The following ATP13A5 variants were observed in gnomAD, a reference collection of about 807,000 sequenced individuals.
ATP13A5 encodes the protein ATPase 13A5, also known as probable cation-transporting ATPase 13A5.
A neutral mutation model predicts 150.2 loss-of-function variants in ATP13A5; 149 were observed. The observed-to-expected ratio is 0.99, with a 90% CI of 0.87 to 1.14. The LOEUF (loss-of-function observed/expected upper bound fraction) is 1.14. Among genes scored for constraint, ATP13A5 ranks in the 50% most tolerant of loss-of-function variants. The pLI, the probability that ATP13A5 is intolerant of heterozygous loss-of-function variation, is 0.00. For missense variants in ATP13A5, 1,383 were observed against 1,449.3 expected (o/e 0.95, Z 0.74); for synonymous variants, 497 against 522.2 (o/e 0.95, Z 0.66).
chr3:193,326,876 C>T, intron 13 of ATP13A5, 120 bp downstream of exon 13: 1 of 845,102 alleles, frequency 1.2e-6, no homozygotes, highest in South Asian at 1.5e-5. Flanking sequence ...GGAACTAGTT[C>T]CAGCCAACTA....
intron 7 of ATP13A5, among the ~76,000 whole-genome samples, chr3:193,346,999 GT>G (rs1712365041): frequency 6.6e-6 from 1 of 152,106 alleles, no homozygotes; most frequent in Non-Finnish European, 1.5e-5. Flanking sequence ...AATCAGTCAG[GT>G]AATGTGAGTA....
At chr3:193,277,378 A>G (rs150428092) in intron 28 of ATP13A5, among the ~76,000 whole-genome samples, 2 of 152,306 alleles carry the variant, frequency 1.3e-5, no homozygotes, top group African/African-American at 4.8e-5. Context: ...GTACACATTA[A>G]TCATTAAATA....
chr3:193,371,423 A>T (rs913689190), intron 1 of ATP13A5, among the ~76,000 whole-genome samples: 1 of 152,246 alleles, frequency 6.6e-6, no homozygotes, highest in Non-Finnish European at 1.5e-5. Flanking sequence ...CAGTGTCTTA[A>T]TACAACACAG....
intron 6 of ATP13A5, among the ~76,000 whole-genome samples, chr3:193,353,536 T>G (rs1186315329): frequency 6.6e-6 from 1 of 152,150 alleles, no homozygotes; most frequent in East Asian, 1.9e-4. Context: ...ATTCATAGGT[T>G]GAAGCCCTAA....
At position 193,324,854 on chromosome 3, in the gene ATP13A5, A is replaced by G. The variant is rs747228114; in HGVS notation, c.1674+10T>C. 53 of 1,610,782 alleles carry G rather than the reference A, an allele frequency of 3.3e-5. No homozygotes were observed. Among genetic ancestry groups the G allele is most frequent in the Non-Finnish European group, 4.1e-5 (48 of 1,179,044 alleles). On this transcript the variant is annotated intron_variant, in intron 14 of 29. Coordinates refer to ENST00000342358, the MANE Select transcript of ATP13A5 (RefSeq NM_198505.4). ...CAGATTCTCATCTTTCCATTAAACT[A>G]TCACCTTACCCAGGCAGTGCCCTCA...
At chr3:193,315,987 A>G (rs1221300102) in intron 17 of ATP13A5, among the ~76,000 whole-genome samples, 1 of 152,102 alleles carries the variant, frequency 6.6e-6, no homozygotes, top group Non-Finnish European at 1.5e-5. Context: ...GGTAATCACA[A>G]TTCTAGTCTC....
intron 20 of ATP13A5, 143 bp downstream of exon 20, chr3:193,311,673 T>TGA (rs1238731916): frequency 1.6e-5 from 19 of 1,219,808 alleles, no homozygotes; most frequent in Non-Finnish European, 2.0e-5. Flanking sequence ...CCAGAAAACT[T>TGA]TTTCAGGAGC....
chr3:193,289,348 C>G (rs1220648525), intron 26 of ATP13A5, among the ~76,000 whole-genome samples: 1 of 152,116 alleles, frequency 6.6e-6, no homozygotes, highest in Non-Finnish European at 1.5e-5. Flanking sequence ...CTTTAACATT[C>G]ATTTGGGAAA....
At chr3:193,320,446 AAAC>A (rs1190832688) in intron 16 of ATP13A5, among the ~76,000 whole-genome samples, 1 of 152,218 alleles carries the variant, frequency 6.6e-6, no homozygotes, top group Non-Finnish European at 1.5e-5. Context: ...GCTGCCAGGA[AAAC>A]AAGTGCCAAG....
chr3:193,300,418 G>C (rs772411703), intron 24 of ATP13A5, among the ~76,000 whole-genome samples: 14 of 152,106 alleles, frequency 9.2e-5, no homozygotes, highest in Non-Finnish European at 1.9e-4. Context: ...TCCAGTTCTT[G>C]TTTCTTCCCA....
intron 7 of ATP13A5, among the ~76,000 whole-genome samples, chr3:193,348,136 T>C (rs1217830377): frequency 3.3e-5 from 5 of 152,332 alleles, no homozygotes; most frequent in African/African-American, 7.2e-5. Flanking sequence ...CGGGTTTCTA[T>C]GGCAACCAAC....
At chr3:193,301,407 A>G (rs1021693698) in intron 23 of ATP13A5, 100 bp from the exon 24 acceptor site, 193 of 778,572 alleles carry the variant, frequency 2.5e-4, no homozygotes, top group Non-Finnish European at 1.4e-4. Context: ...TAGCCTGTTG[A>G]CATACATTCA....
chr3:193,279,323 A>C (rs1353047164), intron 28 of ATP13A5, 43 bp downstream of exon 28: 2 of 1,418,274 alleles, frequency 1.4e-6, no homozygotes, highest in Non-Finnish European at 2.0e-6. Flanking sequence ...TACATGGTCC[A>C]TGTACATGAG....
intron 11 of ATP13A5, among the ~76,000 whole-genome samples, chr3:193,331,731 A>G (rs1364112134): frequency 6.6e-6 from 1 of 152,210 alleles, no homozygotes; most frequent in East Asian, 1.9e-4. Flanking sequence ...ACTACAGAGA[A>G]GCCAATATAA....
intron 27 of ATP13A5, among the ~76,000 whole-genome samples, chr3:193,284,686 A>G (rs1433034539): frequency 1.3e-5 from 2 of 152,240 alleles, no homozygotes; most frequent in Non-Finnish European, 2.9e-5. Context: ...ATGACTCACA[A>G]TAGGACAAGA....
intron 25 of ATP13A5, among the ~76,000 whole-genome samples, chr3:193,295,587 A>C (rs1718135527): frequency 6.6e-6 from 1 of 152,118 alleles, no homozygotes; most frequent in South Asian, 2.1e-4. Flanking sequence ...CTACGTGGCT[A>C]ATATACAGTG....
chr3:193,279,520 G>T, intron 27 of ATP13A5, 66 bp from the exon 28 acceptor site: 1 of 1,303,174 alleles, frequency 7.7e-7, no homozygotes, highest in Non-Finnish European at 1.1e-6. Context: ...GGCACACATT[G>T]CAGAATCAAT....
chr3:193,344,735 C>T (rs998796437), intron 8 of ATP13A5, among the ~76,000 whole-genome samples: 4 of 152,106 alleles, frequency 2.6e-5, no homozygotes, highest in African/African-American at 7.2e-5. Flanking sequence ...GGAATGAGGG[C>T]TTGGGTGAGG....
At chr3:193,280,719 ATAT>A (rs1355851274) in intron 27 of ATP13A5, among the ~76,000 whole-genome samples, 3 of 152,182 alleles carry the variant, frequency 2.0e-5, no homozygotes, top group Non-Finnish European at 2.9e-5. Flanking sequence ...TACCTTAGAA[ATAT>A]TATTTTTTAA....
Sources: allele counts gnomAD v4.1 joint callset (sites outside exome capture counted in the v4.1 genomes callset), GRCh38; gene constraint gnomAD v4.1.1; transcripts MANE v1.5; gene names NCBI Gene and HGNC (gene_info 2026-07-23, HGNC 2026-07-21).